Variants in SLC6A11 observed in about 807,000 individuals in gnomAD.
SLC6A11 encodes solute carrier family 6 member 11, also known as sodium- and chloride-dependent GABA transporter 3.
SLC6A11 carries 25 observed loss-of-function variants against 74.8 expected under a neutral mutation model. That is an observed-to-expected ratio of 0.33 (90% CI 0.24 to 0.47). The LOEUF (loss-of-function observed/expected upper bound fraction) is 0.47. SLC6A11 is among the 20% of genes least tolerant of loss of function. The probability of loss-of-function intolerance (pLI) is 1.00; values close to 1 mark genes in which losing one functional copy is unlikely to be tolerated. For synonymous variants in SLC6A11, 330 were observed against 330.2 expected (o/e 1.00, Z 0.01); for missense variants, 574 against 837.0 (o/e 0.69, Z 3.88).
In SLC6A11 at chr3:10,933,252, T is replaced by C; in HGVS notation, c.1473T>C (p.Tyr491=). 6.2e-7 allele frequency: 1 copy of C among 1,610,978 alleles called. No homozygotes were observed. Among genetic ancestry groups the C allele is most frequent in the African/African-American group, 1.3e-5 (1 of 74,950 alleles). The stretch of plus-strand genomic sequence containing the variant: ...AGTGCATCTGCATCGGCTGGGTGTA[T>C]GGTGAGTAGCAGCCAAGCCCGTCCA... ...IFECICIGWV[Y]GSNRFYDNIE... is the part of the protein sequence containing the mutation. The change falls in exon 11 of 14, where the codon TAT becomes TAC. Residue 491 remains tyrosine, a splice_region_variant and synonymous_variant. Transcript: ENST00000254488.
intron 4 of SLC6A11, among the ~76,000 whole-genome samples, chr3:10,840,574 G>A (rs576642602): frequency 9.9e-5 from 15 of 152,224 alleles, no homozygotes; most frequent in African/African-American, 1.9e-4. Flanking sequence ...TACTAAATGC[G>A]TGAATGCCAT....
chr3:10,868,315 G>A (rs1325086044), intron 5 of SLC6A11, among the ~76,000 whole-genome samples: 1 of 152,142 alleles, frequency 6.6e-6, no homozygotes, highest in African/African-American at 2.4e-5. Context: ...TTAGGGTGGG[G>A]TGGCCCTTCT....
At chr3:10,855,623 TG>T (rs1694629917) in intron 5 of SLC6A11, among the ~76,000 whole-genome samples, 1 of 152,200 alleles carries the variant, frequency 6.6e-6, no homozygotes, top group East Asian at 1.9e-4. Flanking sequence ...CTGTGTACCA[TG>T]TCCTGTGCCA....
intron 6 of SLC6A11, among the ~76,000 whole-genome samples, chr3:10,877,390 C>G (rs1384786875): frequency 6.6e-6 from 1 of 152,238 alleles, no homozygotes; most frequent in African/African-American, 2.4e-5. Flanking sequence ...ACAGGCTTCT[C>G]ACTTTCCCTC....
chr3:10,905,094 G>A (rs1196494379), intron 6 of SLC6A11, among the ~76,000 whole-genome samples: 1 of 152,164 alleles, frequency 6.6e-6, no homozygotes, highest in Non-Finnish European at 1.5e-5. Context: ...TCATTCTAAT[G>A]CCCACCATGA....
intron 4 of SLC6A11, among the ~76,000 whole-genome samples, chr3:10,826,346 C>T (rs1282611123): frequency 6.6e-6 from 1 of 152,188 alleles, no homozygotes; most frequent in African/African-American, 2.4e-5. Flanking sequence ...TGGTCTTTCC[C>T]AGTCCCATTG....
At chr3:10,877,633 A>G (rs1306506933) in intron 6 of SLC6A11, among the ~76,000 whole-genome samples, 2 of 152,222 alleles carry the variant, frequency 1.3e-5, no homozygotes, top group East Asian at 1.9e-4. Flanking sequence ...TCACATTGCT[A>G]TACAAATGGT....
chr3:10,933,438 A>G (rs1695717397), intron 11 of SLC6A11, among the ~76,000 whole-genome samples, 185 bp downstream of exon 11: 1 of 152,164 alleles, frequency 6.6e-6, no homozygotes, highest in Non-Finnish European at 1.5e-5. Flanking sequence ...CACACCATGC[A>G]GCACAGGAAG....
At chr3:10,873,580 C>T (rs1694863192) in intron 5 of SLC6A11, among the ~76,000 whole-genome samples, 1 of 148,946 alleles carries the variant, frequency 6.7e-6, no homozygotes, top group Non-Finnish European at 1.5e-5. Context: ...CTACCCTACC[C>T]TACGCTATCC....
chr3:10,937,486 G>A (rs1039054185), intron 13 of SLC6A11, among the ~76,000 whole-genome samples: 2 of 152,238 alleles, frequency 1.3e-5, no homozygotes, highest in Non-Finnish European at 2.9e-5. Flanking sequence ...CCACCCAAAA[G>A]ACTTTGCAAC....
chr3:10,827,548 C>T (rs1224786426), intron 4 of SLC6A11, among the ~76,000 whole-genome samples: 1 of 152,192 alleles, frequency 6.6e-6, no homozygotes, highest in Non-Finnish European at 1.5e-5. Flanking sequence ...TTGTCCTTTT[C>T]ACACTGCCTC....
chr3:10,904,202 C>T (rs1331274234), intron 6 of SLC6A11, among the ~76,000 whole-genome samples: 1 of 152,206 alleles, frequency 6.6e-6, no homozygotes, highest in Admixed American at 6.5e-5. Flanking sequence ...TCCATCCATC[C>T]TTTCTTGCTT....
intron 5 of SLC6A11, among the ~76,000 whole-genome samples, chr3:10,847,234 A>G (rs1260954409): frequency 1.3e-5 from 2 of 152,172 alleles, no homozygotes; most frequent in East Asian, 3.9e-4. Flanking sequence ...CATACAGTCT[A>G]TGTCCTGGAT....
At chr3:10,853,426 G>C (rs534453401) in intron 5 of SLC6A11, among the ~76,000 whole-genome samples, 2 of 152,316 alleles carry the variant, frequency 1.3e-5, no homozygotes, top group South Asian at 4.1e-4. Flanking sequence ...GATTGATGTG[G>C]AGCTGGGTCC....
Position 10,888,017 on chromosome 3 carries a change from AT to A in SLC6A11, c.891+12923del, listed in dbSNP as rs560569812. On this transcript the variant is annotated intron_variant, in intron 6 of 13. Coordinates refer to ENST00000254488, the MANE Select transcript of SLC6A11 (RefSeq NM_014229.3). ...GCTATTGAATGTTTTTGAACAAGAG[AT>A]GACTGGCATGAAAAGAGCTGTAATT... Among the ~76,000 whole-genome samples, 260 of 152,336 alleles carry A rather than the reference AT, an allele frequency of 1.7e-3. 1 individual carries two copies. The highest frequency in any genetic ancestry group is 6.2e-3 in the African/African-American group (256 of 41,574).
chr3:10,849,253 C>T (rs1424741918), intron 5 of SLC6A11, among the ~76,000 whole-genome samples: 1 of 152,192 alleles, frequency 6.6e-6, no homozygotes, highest in African/African-American at 2.4e-5. Context: ...AACTTCCAGA[C>T]AGTATCTTCT....
chr3:10,862,811 C>T (rs748940758), intron 5 of SLC6A11, among the ~76,000 whole-genome samples: 1 of 152,230 alleles, frequency 6.6e-6, no homozygotes, highest in Non-Finnish European at 1.5e-5. Context: ...AACTGTCAGT[C>T]ATATACATCT....
chr3:10,880,624 C>CA (rs77204005), intron 6 of SLC6A11, among the ~76,000 whole-genome samples: 2,014 of 152,260 alleles, frequency 0.013, 87 homozygotes, highest in South Asian at 0.11. Context: ...TTCAGGTCTC[C>CA]AGCCTCTGAG....
chr3:10,833,636 A>G (rs1694327435), intron 4 of SLC6A11, among the ~76,000 whole-genome samples: 2 of 152,202 alleles, frequency 1.3e-5, no homozygotes, highest in African/African-American at 4.8e-5. Context: ...TGGGGCCAAC[A>G]GTAAGAATTT....
Sources: allele counts gnomAD v4.1 joint callset (sites outside exome capture counted in the v4.1 genomes callset), GRCh38; gene constraint gnomAD v4.1.1; transcripts MANE v1.5; gene names NCBI Gene and HGNC (gene_info 2026-07-23, HGNC 2026-07-21).